Variants in SMARCA2 observed in about 807,000 individuals in gnomAD.
The protein encoded by SMARCA2 is SWI/SNF-related matrix-associated actin-dependent regulator of chromatin subfamily A member 2.
In SMARCA2, 61 loss-of-function variants were observed where a neutral mutation model predicts 199.8. That is an observed-to-expected ratio of 0.31 (90% CI 0.25 to 0.38). The LOEUF (loss-of-function observed/expected upper bound fraction) is 0.38. SMARCA2 is among the 10% of genes least tolerant of loss of function. The pLI is 1.00. For synonymous variants in SMARCA2, 935 were observed against 732.0 expected, an observed-to-expected ratio of 1.28 and a Z score of -4.48; for missense variants, 1,344 against 2,012.2, an observed-to-expected ratio of 0.67 and a Z score of 6.35.
chr9:2,060,303 G>A (rs1282004598), intron 8 of SMARCA2, among the ~76,000 whole-genome samples: 1 of 152,056 alleles, frequency 6.6e-6, no homozygotes, highest in Non-Finnish European at 1.5e-5. Flanking sequence ...AGGATATTAT[G>A]TCTGGAATTT....
intron 29 of SMARCA2, among the ~76,000 whole-genome samples, chr9:2,171,963 G>A (rs1414540444): frequency 6.6e-6 from 1 of 152,184 alleles, no homozygotes; most frequent in Non-Finnish European, 1.5e-5. Flanking sequence ...ACGGTATATG[G>A]TTAGGAACTA....
intron 27 of SMARCA2, chr9:2,160,124 C>A: frequency 1.7e-6 from 1 of 588,850 alleles, no homozygotes; most frequent in Non-Finnish European, 2.8e-6. Flanking sequence ...ATTTCCTTTT[C>A]TTAATCTTCG....
intron 29 of SMARCA2, among the ~76,000 whole-genome samples, chr9:2,178,629 TAAA>T (rs34120561): frequency 6.6e-6 from 1 of 151,694 alleles, no homozygotes; most frequent in Non-Finnish European, 1.5e-5. Context: ...AAAGGTGTAT[TAAA>T]AAAAAGCCCT....
At chr9:2,068,733 T>C (rs1026171580) in intron 9 of SMARCA2, among the ~76,000 whole-genome samples, 8 of 152,142 alleles carry the variant, frequency 5.3e-5, no homozygotes, top group Non-Finnish European at 1.2e-4. Context: ...TTTTTTTTTT[T>C]TCTCTCATTA....
chr9:2,032,826 A>T, intron 2 of SMARCA2, 126 bp from the exon 3 acceptor site: 1 of 739,454 alleles, frequency 1.4e-6, no homozygotes, highest in Non-Finnish European at 2.1e-6. Context: ...CTCTTTTTTT[A>T]ACTCTAGAAT....
rs555711934 is a variant in SMARCA2, at chr9:2,017,471, C to A, written c.-37+2067C>A. The stretch of plus-strand genomic sequence containing the variant: ...CTCGGGCAGCTGCTCCTGCCCGCAC[C>A]CTCCCCTGGAGCCCGGGGAGGACAA... On this transcript the variant is annotated intron_variant, in intron 1 of 33. Transcript: ENST00000349721. This position sits in a 1 kb window ranked among gnomAD's most constrained non-coding sequence, Gnocchi z 8.8. 6.0e-3 allele frequency: 917 copies of A among 152,218 alleles called. 3 individuals are homozygous for A. The highest frequency in any genetic ancestry group is 0.011 in the Non-Finnish European group (732 of 68,330). 9.4% of individuals were successfully genotyped at this position (152,218 alleles called of 1,614,324 possible).
chr9:2,153,443 G>A (rs1825184946), intron 27 of SMARCA2, among the ~76,000 whole-genome samples: 1 of 152,042 alleles, frequency 6.6e-6, no homozygotes, highest in South Asian at 2.1e-4. Context: ...GAGGTGGGAG[G>A]ATTGCTTGAG....
At chr9:2,137,813 G>A (rs1440770848) in intron 27 of SMARCA2, among the ~76,000 whole-genome samples, 1 of 152,146 alleles carries the variant, frequency 6.6e-6, no homozygotes, top group African/African-American at 2.4e-5. Context: ...AGAAATGAGG[G>A]CTAGGAGGGA....
Position 2,029,046 on chromosome 9 carries a change from T to G in SMARCA2, c.24T>G (p.Gly8=). 1 of 1,553,306 alleles carries G rather than the reference T, an allele frequency of 6.4e-7. No individual in the cohort carries two copies. Reference sequence around the variant, plus strand: ...AGATGTCCACGCCCACAGACCCTGGTGCGATGCCCCACCCAGGGCCTTCGC... The same window carrying G: ...AGATGTCCACGCCCACAGACCCTGGGGCGATGCCCCACCCAGGGCCTTCGC... MSTPTDP[G]AMPHPGPSPG... is the part of the protein sequence containing the mutation. The change falls in exon 2 of 34, where the codon GGT becomes GGG. Residue 8 remains glycine (G), a synonymous_variant. Coordinates refer to ENST00000349721, the MANE Select transcript of SMARCA2 (RefSeq NM_003070.5).
chr9:2,024,612 C>T (rs1422718367), intron 1 of SMARCA2, among the ~76,000 whole-genome samples: 2 of 152,282 alleles, frequency 1.3e-5, no homozygotes, highest in East Asian at 3.9e-4. Context: ...AAGCCTAGTC[C>T]TTGCAAGATA....
intron 28 of SMARCA2, among the ~76,000 whole-genome samples, chr9:2,166,148 A>G (rs781464760): frequency 2.0e-5 from 3 of 152,112 alleles, no homozygotes; most frequent in Non-Finnish European, 4.4e-5. Flanking sequence ...AAGCATATCT[A>G]CCTCAGGACA....
intron 4 of SMARCA2, chr9:2,045,342 T>C (rs933263449): frequency 1.3e-5 from 2 of 152,186 alleles, no homozygotes; most frequent in East Asian, 1.9e-4. Flanking sequence ...CATAGAATCA[T>C]AGGGAATTAA....
chr9:2,067,467 T>G (rs1820894346), intron 9 of SMARCA2, among the ~76,000 whole-genome samples: 1 of 152,166 alleles, frequency 6.6e-6, no homozygotes, highest in Non-Finnish European at 1.5e-5. Context: ...AAAAGAATAG[T>G]CCTCGGACTA....
At chr9:2,060,136 AAAAAAAAAAAAAAAT>A (rs1225493825) in intron 8 of SMARCA2, among the ~76,000 whole-genome samples, 2 of 148,204 alleles carry the variant, frequency 1.3e-5, no homozygotes, top group African/African-American at 5.1e-5. Context: ...AAAAAAAAAA[AAAAAAAAAAAAAAAT>A]CCCCCAAATT....
At chr9:2,044,698 G>A (rs1428620432) in intron 4 of SMARCA2, 1 of 152,224 alleles carries the variant, frequency 6.6e-6, no homozygotes, top group African/African-American at 2.4e-5. Context: ...CAACTAGCAG[G>A]TGATAACAGC....
In SMARCA2 at chr9:2,186,132, A is replaced by C. The variant is rs1387748976; in HGVS notation, c.4498A>C (p.Lys1500Gln). 3 of 1,613,976 alleles carry C rather than the reference A, an allele frequency of 1.9e-6. No homozygotes were observed. Among genetic ancestry groups the C allele is most frequent in the African/African-American group, 1.3e-5 (1 of 74,932 alleles). Residue 1500 changes from lysine to glutamine, a missense_variant, in exon 32 of 34, where the codon AAG (lysine) becomes CAG (glutamine). By Grantham distance (53) the Lys-to-Gln change is moderately conservative. Transcript: ENST00000349721. ...EDSIVLQSVFKSARQKIAKEE... is the reference protein window; with the variant it reads ...EDSIVLQSVFQSARQKIAKEE... Reference sequence around the variant, plus strand: ...CTCCATCGTCTTACAGTCAGTGTTTAAGAGTGCCCGGCAGAAAATTGCCAA... The same window carrying C: ...CTCCATCGTCTTACAGTCAGTGTTTCAGAGTGCCCGGCAGAAAATTGCCAA...
At chr9:2,114,819 C>G (rs1823148752) in intron 24 of SMARCA2, among the ~76,000 whole-genome samples, 1 of 152,124 alleles carries the variant, frequency 6.6e-6, no homozygotes, top group Non-Finnish European at 1.5e-5. Flanking sequence ...ATCTTATCAC[C>G]TGGAGATTTA....
In SMARCA2 at chr9:2,054,660, A is replaced by G. The variant is rs372569895; in HGVS notation, c.1110A>G (p.Pro370=). The G allele has an allele frequency of 2.5e-6, 4 of 1,614,040 alleles. No individual in the cohort carries two copies. The African/African-American group carries it at 4.0e-5, about 16-fold the overall frequency. Residue 370 remains proline (P), a synonymous_variant, in exon 6 of 34, where the codon CCA becomes CCG. Transcript: ENST00000349721. ...ELENLPGSLP[P]DLRTKATVEL... ...AAAATCTGCCTGGCTCTTTGCCACC[A>G]GATTTAAGAACCAAAGCAACCGTGG...
chr9:2,109,099 T>C (rs1275517095), intron 23 of SMARCA2, among the ~76,000 whole-genome samples: 1 of 152,210 alleles, frequency 6.6e-6, no homozygotes, highest in Non-Finnish European at 1.5e-5. Context: ...TTGGCCCTCA[T>C]AGTAACTTGA....
Sources: allele counts gnomAD v4.1 joint callset (sites outside exome capture counted in the v4.1 genomes callset), GRCh38; gene constraint gnomAD v4.1.1; non-coding constraint Gnocchi (gnomAD v3.1); transcripts MANE v1.5; gene names NCBI Gene and HGNC (gene_info 2026-07-23, HGNC 2026-07-21).